GPC5: variants seen among roughly 807,000 people sequenced by gnomAD.
The protein encoded by GPC5 is glypican-5.
GPC5 carries 47 observed loss-of-function variants against 53.9 expected under a neutral mutation model. The ratio of observed to expected loss-of-function variants is 0.87; its 90% CI spans 0.69 to 1.11. GPC5 has a LOEUF of 1.11. Ranked by LOEUF, GPC5 falls within the 50% of genes most tolerant of loss-of-function variation. GPC5 has a pLI of 0.00. For missense variants in GPC5, 748 were observed against 713.1 expected, an observed-to-expected ratio of 1.05 and a Z score of -0.56; for synonymous variants, 286 against 263.3, an observed-to-expected ratio of 1.09 and a Z score of -0.84.
At chr13:92,270,059 G>A (rs946825427) in intron 7 of GPC5, among the ~76,000 whole-genome samples, 1 of 152,152 alleles carries the variant, frequency 6.6e-6, no homozygotes, top group African/African-American at 2.4e-5. Context: ...AGGGTAAGGA[G>A]GGTGGTGGGG....
chr13:91,545,771 C>G (rs1374915793), intron 2 of GPC5, among the ~76,000 whole-genome samples: 13 of 151,968 alleles, frequency 8.6e-5, no homozygotes, highest in Admixed American at 8.5e-4. Flanking sequence ...ATTTTAGATA[C>G]TTCATATAAG....
intron 7 of GPC5, among the ~76,000 whole-genome samples, chr13:92,148,347 A>C (rs1283992441): frequency 6.6e-6 from 1 of 152,054 alleles, no homozygotes; most frequent in Non-Finnish European, 1.5e-5. Context: ...TTCAATATGC[A>C]AAGTTTTACC....
At chr13:91,653,656 C>T (rs1034271317) in intron 2 of GPC5, among the ~76,000 whole-genome samples, 2 of 151,446 alleles carry the variant, frequency 1.3e-5, no homozygotes, top group African/African-American at 4.8e-5. Context: ...ATGTTGAGAA[C>T]ACTTTTCTTC....
chr13:92,503,486 C>T (rs1880261553), intron 7 of GPC5, among the ~76,000 whole-genome samples: 1 of 151,016 alleles, frequency 6.6e-6, no homozygotes, highest in Non-Finnish European at 1.5e-5. Flanking sequence ...AAGATTCCAT[C>T]TAGAAAAAAG....
chr13:91,526,003 A>G lies in GPC5; in HGVS notation c.325+77081A>G, dbSNP rs533219948. On this transcript the variant is annotated intron_variant, in intron 2 of 7. Coordinates refer to ENST00000377067, the MANE Select transcript of GPC5 (RefSeq NM_004466.6). ...AATAGAGTATTCTGCTGGGGGAGTAAGTAGTTGAGAATTTTGGGGATTGAG... is the reference window on the plus strand; with the variant it reads ...AATAGAGTATTCTGCTGGGGGAGTAGGTAGTTGAGAATTTTGGGGATTGAG... 2.6e-5 allele frequency among the ~76,000 whole-genome samples: 4 copies of G among 152,272 alleles called. No individual in the cohort carries two copies. The South Asian group carries it at 8.3e-4, about 32-fold the overall frequency.
intron 6 of GPC5, among the ~76,000 whole-genome samples, chr13:92,032,715 T>C (rs1042264342): frequency 6.6e-6 from 1 of 152,164 alleles, no homozygotes; most frequent in African/African-American, 2.4e-5. Context: ...ATAAATTCAA[T>C]GCCCTCTCTG....
intron 2 of GPC5, among the ~76,000 whole-genome samples, chr13:91,549,076 C>T (rs2030469646): frequency 6.6e-6 from 1 of 152,012 alleles, no homozygotes; most frequent in East Asian, 1.9e-4. Flanking sequence ...CGAGACCAGC[C>T]TGGCCAATAT....
chr13:91,864,496 T>C (rs144772418), intron 5 of GPC5, among the ~76,000 whole-genome samples: 4 of 152,308 alleles, frequency 2.6e-5, no homozygotes, highest in Admixed American at 2.6e-4. Flanking sequence ...AAATAGTATA[T>C]ATTGTATAGA....
In GPC5 at chr13:92,753,260, G is replaced by C. The variant is rs528881066; in HGVS notation, c.1562-113022G>C. Among the ~76,000 whole-genome samples the C allele has an allele frequency of 1.5e-4, 23 of 152,224 alleles. No individual in the cohort carries two copies. In the East Asian group the frequency reaches 4.1e-3, roughly 27 times the overall value. On this transcript the variant is annotated intron_variant, in intron 7 of 7. Transcript: ENST00000377067. ...CCTCACACGGCAGGGTACTCCAACA[G>C]ACCTGCAGCTGAGGGTCCTGTCTGT...
chr13:92,115,929 C>A (rs72635479), intron 6 of GPC5, among the ~76,000 whole-genome samples: 1 of 151,962 alleles, frequency 6.6e-6, no homozygotes, highest in Admixed American at 6.6e-5. Flanking sequence ...AGAGTGGGCC[C>A]TAATCCTATA....
chr13:92,053,270 C>A (rs565060246), intron 6 of GPC5, among the ~76,000 whole-genome samples: 2 of 152,314 alleles, frequency 1.3e-5, no homozygotes, highest in East Asian at 3.9e-4. Flanking sequence ...ATGTTCAGCA[C>A]ATCAGTCACA....
intron 6 of GPC5, among the ~76,000 whole-genome samples, chr13:91,911,967 T>A (rs577580820): frequency 7.9e-5 from 12 of 152,258 alleles, no homozygotes; most frequent in African/African-American, 2.9e-4. Flanking sequence ...CCAAGAGGAA[T>A]GTGCAGAACT....
chr13:92,517,099 A>G (rs1413573221), intron 7 of GPC5, among the ~76,000 whole-genome samples: 1 of 152,098 alleles, frequency 6.6e-6, no homozygotes, highest in East Asian at 1.9e-4. Flanking sequence ...TCAGTCTGAG[A>G]TCCAACTGCA....
intron 7 of GPC5, among the ~76,000 whole-genome samples, chr13:92,489,929 C>T (rs1262118710): frequency 6.6e-6 from 1 of 151,036 alleles, no homozygotes; most frequent in Non-Finnish European, 1.5e-5. Flanking sequence ...AGTTTCTTGG[C>T]AGGATTTTAA....
chr13:91,739,814 G>A (rs555754969), intron 4 of GPC5, among the ~76,000 whole-genome samples: 1 of 151,532 alleles, frequency 6.6e-6, no homozygotes, highest in Admixed American at 6.5e-5. Flanking sequence ...CCTCTTCATT[G>A]TAGAAGGGGA....
intron 7 of GPC5, among the ~76,000 whole-genome samples, chr13:92,800,728 T>C (rs1331221679): frequency 6.6e-6 from 1 of 151,846 alleles, no homozygotes; most frequent in Non-Finnish European, 1.5e-5. Flanking sequence ...AAGCAATGAA[T>C]GGTTTCTTCA....
intron 7 of GPC5, among the ~76,000 whole-genome samples, chr13:92,491,528 C>T (rs942891792): frequency 2.6e-4 from 39 of 152,162 alleles, no homozygotes; most frequent in African/African-American, 8.4e-4. Flanking sequence ...CAACACACAT[C>T]GGCAGCACGT....
chr13:92,410,427 G>A (rs1330849893), intron 7 of GPC5, among the ~76,000 whole-genome samples: 1 of 152,120 alleles, frequency 6.6e-6, no homozygotes, highest in Non-Finnish European at 1.5e-5. Context: ...GCATGACTCA[G>A]GTATTTTTAT....
At chr13:92,390,130 C>T (rs1213666253) in intron 7 of GPC5, among the ~76,000 whole-genome samples, 3 of 152,068 alleles carry the variant, frequency 2.0e-5, no homozygotes, top group African/African-American at 4.8e-5. Flanking sequence ...ACAGTGCAAA[C>T]CACAAGTCTA....
Sources: gnomAD v4.1 joint callset for allele counts (sites outside exome capture counted in the v4.1 genomes callset) on GRCh38, gnomAD v4.1.1 for gene constraint, MANE v1.5 for transcripts, NCBI Gene and HGNC (gene_info 2026-07-23, HGNC 2026-07-21) for gene names.